The following APH1A variants were observed in gnomAD, a reference collection of about 807,000 sequenced individuals.
The protein encoded by APH1A is aph-1A gamma-secretase subunit, also known as gamma-secretase subunit APH-1A.
In APH1A, 16 loss-of-function variants were observed where a neutral mutation model predicts 30.3. The observed-to-expected ratio is 0.53, with a 90% CI of 0.36 to 0.80. APH1A has a LOEUF of 0.80. Among genes scored for constraint, APH1A ranks in the 30% least tolerant of loss-of-function variants. APH1A has a pLI of 0.01. For synonymous variants in APH1A, 144 were observed against 140.1 expected (o/e 1.03, Z -0.20); for missense variants, 245 against 337.8 (o/e 0.73, Z 2.15).
In APH1A at chr1:150,267,206, C is replaced by T; in HGVS notation, c.482-4G>A. 2 of 1,614,138 alleles carry T rather than the reference C, an allele frequency of 1.2e-6. No individual in the cohort carries two copies. Among genetic ancestry groups the T allele is most frequent in the East Asian group, 2.2e-5 (1 of 44,892 alleles). On this transcript the variant is annotated splice_polypyrimidine_tract_variant and splice_region_variant and intron_variant, in intron 4 of 6. Transcript: ENST00000369109. ...ATAATGGCTGCTGTCAGAAAGGCTG[C>T]AGGGAGGGAGATGGGGAGGAGATAC...
chr1:150,266,871 C>T, intron 5 of APH1A: 1 of 1,048,824 alleles, frequency 9.5e-7, no homozygotes, highest in Non-Finnish European at 1.4e-6. Flanking sequence ...AGGCCCTCTG[C>T]ATTACAGTTT....
rs1651990338 is a variant in APH1A, at chr1:150,268,838, G to A, written c.-28C>T. 3 of 1,590,878 alleles carry A rather than the reference G, an allele frequency of 1.9e-6. No homozygotes were observed. Among genetic ancestry groups the A allele is most frequent in the South Asian group, 1.1e-5 (1 of 88,722 alleles). ...CTGGTCAGGTGGGAAGGGGGGTGGGGGCCTGACCAGGACAGGCAAATGGGA... is the reference window on the plus strand; with the variant it reads ...CTGGTCAGGTGGGAAGGGGGGTGGGAGCCTGACCAGGACAGGCAAATGGGA... On this transcript the variant is annotated 5_prime_UTR_variant, in exon 1 of 7. Coordinates refer to ENST00000369109, the MANE Select transcript of APH1A (RefSeq NM_001077628.3).
At chr1:150,266,739 C>G in intron 5 of APH1A, 83 bp from the exon 6 acceptor site, 1 of 1,461,308 alleles carries the variant, frequency 6.8e-7, no homozygotes, top group Non-Finnish European at 9.3e-7. Flanking sequence ...TTTCTGACTC[C>G]CAGATATCTC....
Position 150,266,349 on chromosome 1 carries a change from G to A in APH1A, c.734-155C>T, listed in dbSNP as rs903604073. ...GACTGGCTGAACCCAGGCTGCTCCTGGTAAAGCTTAGAGACTAACGGTCAC... is the reference window on the plus strand; with the variant it reads ...GACTGGCTGAACCCAGGCTGCTCCTAGTAAAGCTTAGAGACTAACGGTCAC... On this transcript the variant is annotated intron_variant, in intron 6 of 6. Coordinates refer to ENST00000369109, the MANE Select transcript of APH1A (RefSeq NM_001077628.3). 3.5e-5 allele frequency: 52 copies of A among 1,483,280 alleles called. No homozygotes were observed. The South Asian group carries it at 7.0e-4, about 20-fold the overall frequency. The allele number at this position is 1,483,280 out of a possible 1,614,324, so 91.9% of individuals were successfully genotyped here.
In APH1A at chr1:150,267,090, T is replaced by G; in HGVS notation, c.594A>C (p.Leu198=). 6.2e-7 allele frequency: 1 copy of G among 1,614,122 alleles called. No homozygotes were observed. The highest frequency in any genetic ancestry group is 8.5e-7 in the Non-Finnish European group (1 of 1,180,026). Residue 198 remains leucine (L), a synonymous_variant, in exon 5 of 7, where the codon CTA becomes CTC. Coordinates refer to ENST00000369109, the MANE Select transcript of APH1A (RefSeq NM_001077628.3). The part of the protein sequence containing the change: ...WALGLVVGSH[L]LTSGLTFLNP... ...TCCAACTCACCAGTCCCGATGTCAG[T>G]AGGTGACTCCCAACCACCAGGCCCA... is the stretch of plus-strand genomic sequence containing the variant.
At position 150,267,170 on chromosome 1, in the gene APH1A, T is replaced by TTA; in HGVS notation, c.513_514insTA (p.Thr172Ter). 6.2e-7 allele frequency: 1 copy of TTA among 1,613,724 alleles called. No individual in the cohort carries two copies. The highest frequency in any genetic ancestry group is 8.5e-7 in the Non-Finnish European group (1 of 1,179,958). ...TCAAAGAACACAACTCCCCAAAAGG[T>TTA]ATGGAGCAGGATAATGGCTGCTGTC... is the stretch of plus-strand genomic sequence containing the variant. On this transcript the variant is annotated frameshift_variant, in exon 5 of 7. Coordinates refer to ENST00000369109, the MANE Select transcript of APH1A (RefSeq NM_001077628.3). LOFTEE classifies it high-confidence loss of function.
chr1:150,266,688 T>C, intron 5 of APH1A, 32 bp from the exon 6 acceptor site: 2 of 1,611,194 alleles, frequency 1.2e-6, no homozygotes, highest in Non-Finnish European at 1.7e-6. Flanking sequence ...GGAAAGAGAT[T>C]AGATTCTCCC....
intron 5 of APH1A, 91 bp from the exon 6 acceptor site, chr1:150,266,747 C>T: frequency 1.4e-6 from 2 of 1,439,130 alleles, no homozygotes; most frequent in African/African-American, 1.4e-5. Context: ...TCCCAGATAT[C>T]TCTCTCAAAT....
rs1553850090 is a variant in APH1A at position 150,267,186 on chromosome 1, G to A, written c.498C>T (p.Ala166=). 6.2e-6 allele frequency: 10 copies of A among 1,614,150 alleles called. No homozygotes were observed. Among genetic ancestry groups the A allele is most frequent in the Admixed American group, 1.7e-5 (1 of 60,020 alleles). Residue 166 remains alanine (A), a synonymous_variant, in exon 5 of 7, where the codon GCC becomes GCT. Transcript: ENST00000369109. Reference sequence around the variant, plus strand: ...CCCAAAAGGTATGGAGCAGGATAATGGCTGCTGTCAGAAAGGCTGCAGGGA... The same window carrying A: ...CCCAAAAGGTATGGAGCAGGATAATAGCTGCTGTCAGAAAGGCTGCAGGGA... ...YFLTSAFLTA[A]IILLHTFWGV...
At chr1:150,267,853 C>T (rs1025033549) in intron 2 of APH1A, 64 bp from the exon 3 acceptor site, 384 of 1,612,592 alleles carry the variant, frequency 2.4e-4, no homozygotes, top group Non-Finnish European at 3.0e-4. Context: ...CCTCTAATGT[C>T]CTCCCTTAGT....
chr1:150,267,701 T>C lies in APH1A; in HGVS notation c.358+15A>G. 1 of 1,608,234 alleles carries C rather than the reference T, an allele frequency of 6.2e-7. No homozygotes were observed. The highest frequency in any genetic ancestry group is 8.5e-7 in the Non-Finnish European group (1 of 1,177,022). On this transcript the variant is annotated intron_variant, in intron 3 of 6. Coordinates refer to ENST00000369109, the MANE Select transcript of APH1A (RefSeq NM_001077628.3). ...CTGTCCAACTCCCTCCTCCAGTCCC[T>C]CTCCCTTGGCTCACCATAGGCCATC...
intron 1 of APH1A, 153 bp from the exon 2 acceptor site, chr1:150,268,280 A>T: frequency 1.2e-6 from 1 of 831,282 alleles, no homozygotes; most frequent in Admixed American, 2.9e-5. Context: ...CTCCACCAAG[A>T]GACTCATCTG....
rs1296836919 is a variant in APH1A, at chr1:150,265,741, G to C, written c.*389C>G. On this transcript the variant is annotated 3_prime_UTR_variant, in exon 7 of 7. Coordinates refer to ENST00000369109, the MANE Select transcript of APH1A (RefSeq NM_001077628.3). Reference sequence around the variant, plus strand: ...CTTCCTTCCTTTCCCCCAAGGTCTGGGACCAAGGAGAAAGGGACCGAAATG... The same window carrying C: ...CTTCCTTCCTTTCCCCCAAGGTCTGCGACCAAGGAGAAAGGGACCGAAATG... 5.5e-6 allele frequency: 1 copy of C among 181,790 alleles called. No individual in the cohort carries two copies. Among genetic ancestry groups the C allele is most frequent in the Non-Finnish European group, 1.2e-5 (1 of 86,710 alleles). 11.3% of individuals were successfully genotyped at this position (181,790 alleles called of 1,614,324 possible).
Position 150,268,789 on chromosome 1 carries a change from C to G in APH1A, c.22G>C (p.Gly8Arg). Residue 8 changes from glycine (G) to arginine (R), a missense_variant, in exon 1 of 7, where the codon GGC becomes CGC. Physicochemically the swap from Gly to Arg is moderately radical, Grantham distance 125. Coordinates refer to ENST00000369109, the MANE Select transcript of APH1A (RefSeq NM_001077628.3). Reference protein sequence around the residue: MGAAVFFGCTFVAFGPAF... With the variant: MGAAVFFRCTFVAFGPAF... The stretch of plus-strand genomic sequence containing the variant: ...GGGCCGAACGCGACGAAAGTGCAGC[C>G]GAAAAACACCGCAGCCCCCATGGCT... 2 of 1,613,598 alleles carry G rather than the reference C, an allele frequency of 1.2e-6. No individual in the cohort carries two copies. Among genetic ancestry groups the G allele is most frequent in the South Asian group, 1.1e-5 (1 of 91,014 alleles).
chr1:150,265,835 A>C lies in APH1A; in HGVS notation c.*295T>G. Reference sequence around the variant, plus strand: ...AAGGAGGTTAGAAGAGTTCCAATATACCTCCTCCCTCCCCCCACCTCAAAA... The same window carrying C: ...AAGGAGGTTAGAAGAGTTCCAATATCCCTCCTCCCTCCCCCCACCTCAAAA... On this transcript the variant is annotated 3_prime_UTR_variant, in exon 7 of 7. Transcript: ENST00000369109. 2.8e-6 allele frequency: 1 copy of C among 357,358 alleles called. No homozygotes were observed. The highest frequency in any genetic ancestry group is 5.1e-6 in the Non-Finnish European group (1 of 195,870). The allele number at this position is 357,358 out of a possible 1,614,324, so 22.1% of individuals were successfully genotyped here.
Position 150,267,523 on chromosome 1 carries a change from G to T in APH1A, c.359-45C>A, listed in dbSNP as rs1380956060. On this transcript the variant is annotated intron_variant, in intron 3 of 6. Coordinates refer to ENST00000369109, the MANE Select transcript of APH1A (RefSeq NM_001077628.3). ...CATCAATGTCAGAGATCACACTATT[G>T]CCTGTTCACCACTGACCCCTCCCCA... The T allele has an allele frequency of 2.5e-6, 4 of 1,609,304 alleles. No homozygotes were observed. The African/African-American group carries it at 5.3e-5, about 21-fold the overall frequency.
In APH1A at chr1:150,268,843, G is replaced by A. The variant is rs1560036111; in HGVS notation, c.-33C>T. 8 of 1,584,538 alleles carry A rather than the reference G, an allele frequency of 5.0e-6. No homozygotes were observed. The highest frequency in any genetic ancestry group is 6.9e-6 in the Non-Finnish European group (8 of 1,163,080). The stretch of plus-strand genomic sequence containing the variant: ...CAGGTGGGAAGGGGGGTGGGGGCCT[G>A]ACCAGGACAGGCAAATGGGAGGGGC... On this transcript the variant is annotated 5_prime_UTR_variant, in exon 1 of 7. Transcript: ENST00000369109.
intron 1 of APH1A, 43 bp downstream of exon 1, chr1:150,268,655 C>G: frequency 6.4e-7 from 1 of 1,568,540 alleles, no homozygotes; most frequent in East Asian, 2.3e-5. Flanking sequence ...TTCCGCACCT[C>G]TCTCTTCGAC....
At position 150,268,623 on chromosome 1, in the gene APH1A, T is replaced by G. The variant is rs1651952321; in HGVS notation, c.113+75A>C. The G allele has an allele frequency of 2.1e-6, 3 of 1,436,614 alleles. No individual in the cohort carries two copies. The Admixed American group carries it at 6.2e-5, about 30-fold the overall frequency. The allele number at this position is 1,436,614 out of a possible 1,614,324, so 89.0% of individuals were successfully genotyped here. ...TCGTCCCCAATTCAGGCTCCCAGGC[T>G]TGCCCCAGTTCCTCCAGCCCCTTCC... On this transcript the variant is annotated intron_variant, in intron 1 of 6. Coordinates refer to ENST00000369109, the MANE Select transcript of APH1A (RefSeq NM_001077628.3).
Sources: allele counts gnomAD v4.1 joint callset, GRCh38; gene constraint gnomAD v4.1.1; transcripts MANE v1.5; gene names NCBI Gene and HGNC (gene_info 2026-07-23, HGNC 2026-07-21).